POM121: variants seen among roughly 807,000 people sequenced by gnomAD.
The protein encoded by POM121 is POM121 transmembrane nucleoporin.
POM121 carries 32 observed loss-of-function variants against 81.3 expected under a neutral mutation model. That is an observed-to-expected ratio of 0.39 (90% confidence interval 0.30 to 0.53). The LOEUF (loss-of-function observed/expected upper bound fraction) is 0.53, where lower values mean the gene tolerates loss of function less well. POM121 is among the 20% of genes least tolerant of loss of function. POM121 has a pLI of 0.66. For missense variants in POM121, 1,138 were observed against 1,614.6 expected (o/e 0.70, Z 5.06); for synonymous variants, 514 against 694.2 (o/e 0.74, Z 4.08).
At position 72,947,477 on chromosome 7, in the gene POM121, TC is replaced by T; in HGVS notation, c.*1245del. On this transcript the variant is annotated 3_prime_UTR_variant, in exon 13 of 13. Coordinates refer to ENST00000434423, the MANE Select transcript of POM121 (RefSeq NM_001387691.1). The stretch of plus-strand genomic sequence containing the variant: ...GGCCCTCTGCAGCCCATCCTTTCCT[TC>T]CGTCCTTCTGAAACCACATACCCCA... The T allele has an allele frequency of 1.0e-6, 1 of 971,332 alleles. No individual in the cohort carries two copies. The highest frequency in any genetic ancestry group is 1.8e-5 in the African/African-American group (1 of 56,800). 60.2% of individuals were successfully genotyped at this position (971,332 alleles called of 1,614,324 possible).
chr7:72,945,115 C>A (rs1398587701), intron 11 of POM121, among the ~76,000 whole-genome samples: 1,620 of 150,814 alleles, frequency 0.011, 18 homozygotes, highest in African/African-American at 0.037. Context: ...CAGAGAGGGC[C>A]TCGGGCAGGC....
At chr7:72,911,756 C>T (rs1793827742) in intron 3 of POM121, among the ~76,000 whole-genome samples, 1 of 152,204 alleles carries the variant, frequency 6.6e-6, no homozygotes, top group Non-Finnish European at 1.5e-5. Flanking sequence ...GAGCCTGTGG[C>T]ACAGAAGCAG....
intron 1 of POM121, among the ~76,000 whole-genome samples, chr7:72,886,715 G>T (rs1233436411): frequency 6.6e-6 from 1 of 151,856 alleles, no homozygotes; most frequent in Non-Finnish European, 1.5e-5. Flanking sequence ...CTTTAAATAT[G>T]TTTCTCTGTT....
At chr7:72,888,587 C>T (rs1373994938) in intron 1 of POM121, among the ~76,000 whole-genome samples, 2 of 151,760 alleles carry the variant, frequency 1.3e-5, no homozygotes, top group Admixed American at 1.3e-4. Flanking sequence ...TTTATTAATA[C>T]CTTGTTCTTG....
Position 72,926,399 on chromosome 7 carries a change from C to T in POM121, c.782C>T (p.Pro261Leu). Reference protein sequence around the residue: ...NGYHKKAVLSPRNSRMVCSPV... With the variant: ...NGYHKKAVLSLRNSRMVCSPV... The stretch of plus-strand genomic sequence containing the variant: ...TATCACAAGAAGGCTGTGCTGTCCC[C>T]TCGCAACTCCAGGATGGTGTGTAGC... The change falls in exon 2 of 13, where the codon CCT (proline) becomes CTT (leucine). Residue 261 changes from proline to leucine, a missense_variant. By Grantham distance (98) the Pro-to-Leu change is moderately conservative. This residue lies in a region of POM121 where 646 missense variants were observed against 633.5 expected (regional missense o/e 1.02). Coordinates refer to ENST00000434423, the MANE Select transcript of POM121 (RefSeq NM_001387691.1). 1.2e-6 allele frequency: 2 copies of T among 1,613,996 alleles called. No individual in the cohort carries two copies. The highest frequency in any genetic ancestry group is 1.7e-6 in the Non-Finnish European group (2 of 1,179,874).
intron 1 of POM121, chr7:72,879,941 T>A (rs188104211): frequency 4.1e-4 from 197 of 479,764 alleles, no homozygotes; most frequent in Non-Finnish European, 7.1e-4. Flanking sequence ...AGTCACCGTG[T>A]GTTGGGGACC....
At chr7:72,889,015 G>T (rs1309546299) in intron 1 of POM121, among the ~76,000 whole-genome samples, 6 of 151,950 alleles carry the variant, frequency 3.9e-5, no homozygotes, top group Non-Finnish European at 8.8e-5. Context: ...TTTGTCTGTT[G>T]TATATTATGT....
intron 3 of POM121, among the ~76,000 whole-genome samples, chr7:72,910,727 A>G (rs1466424917): frequency 6.6e-6 from 1 of 151,864 alleles, no homozygotes; most frequent in African/African-American, 2.4e-5. Flanking sequence ...GTGTAGTCAA[A>G]AGGGCACTGT....
At chr7:72,902,245 CT>C (rs1370184132) in intron 3 of POM121, among the ~76,000 whole-genome samples, 6 of 144,048 alleles carry the variant, frequency 4.2e-5, no homozygotes, top group Admixed American at 2.1e-4. Flanking sequence ...TTATACTTTT[CT>C]TTTTCTTTCT....
chr7:72,901,911 A>T (rs1554492709), intron 3 of POM121, among the ~76,000 whole-genome samples: 1 of 151,876 alleles, frequency 6.6e-6, no homozygotes, highest in Non-Finnish European at 1.5e-5. Flanking sequence ...TCAGGAGTTC[A>T]AGACCAGCCT....
In POM121 at chr7:72,943,477, G is replaced by T. The variant is rs782055325; in HGVS notation, c.3484G>T (p.Ala1162Ser). Reference sequence around the variant, plus strand: ...CACCACCGGCCAGAGCACACCGTTTGCCTTCAACGTGAGCAGCACAACTGA... The same window carrying T: ...CACCACCGGCCAGAGCACACCGTTTTCCTTCAACGTGAGCAGCACAACTGA... ...LGTTGQSTPF[A>S]FNVSSTTESK... Residue 1162 changes from alanine (A) to serine (S), a missense_variant, in exon 11 of 13, where the codon GCC (alanine) becomes TCC (serine). Coordinates refer to ENST00000434423, the MANE Select transcript of POM121 (RefSeq NM_001387691.1). 1.9e-6 allele frequency: 3 copies of T among 1,612,750 alleles called. No individual in the cohort carries two copies. The highest frequency in any genetic ancestry group is 1.7e-6 in the Non-Finnish European group (2 of 1,179,854).
chr7:72,891,110 G>A, exon 3 of POM121: 1 of 1,082,810 alleles, frequency 9.2e-7, no homozygotes, highest in Non-Finnish European at 1.4e-6. Context: ...ACATAGTCCA[G>A]GTAAGTTAGT....
At chr7:72,945,158 G>T (rs1225500275) in intron 11 of POM121, among the ~76,000 whole-genome samples, 1 of 152,214 alleles carries the variant, frequency 6.6e-6, no homozygotes, top group Admixed American at 6.5e-5. Context: ...GCCGGGGAAG[G>T]GAGGGGACCA....
chr7:72,926,312 A>G lies in POM121; in HGVS notation c.695A>G (p.Tyr232Cys), dbSNP rs782281113. 2 of 1,601,336 alleles carry G rather than the reference A, an allele frequency of 1.2e-6. No homozygotes were observed. The highest frequency in any genetic ancestry group is 2.2e-5 in the South Asian group (2 of 89,634). ...TTTGTAATAACACCTAGAAGACGCT[A>G]TCCGATCCATCAGGCCCAGTATTCC... ...NRFVITPRRR[Y>C]PIHQAQYSCL... Residue 232 changes from tyrosine (Y) to cysteine (C), a missense_variant, in exon 2 of 13, where the codon TAT becomes TGT. By Grantham distance (194) the Tyr-to-Cys change is radical. Transcript: ENST00000434423.
intron 4 of POM121, 79 bp downstream of exon 4, chr7:72,928,544 C>T (rs2059842568): frequency 1.3e-6 from 2 of 1,526,334 alleles, no homozygotes; most frequent in Non-Finnish European, 1.8e-6. Context: ...ATAGATTTTC[C>T]TCTTTGTTTT....
chr7:72,879,504 G>C (rs1236558433), exon 1 of POM121: 1 of 251,900 alleles, frequency 4.0e-6, no homozygotes, highest in Non-Finnish European at 7.8e-6. Flanking sequence ...GTGCGGCCCA[G>C]GGTTCGCGCG....
chr7:72,927,500 A>G (rs1285050585), intron 3 of POM121, among the ~76,000 whole-genome samples: 6 of 152,330 alleles, frequency 3.9e-5, no homozygotes, highest in African/African-American at 1.4e-4. Flanking sequence ...ACCTGAGGTC[A>G]GGAGTTCGAG....
At chr7:72,899,968 C>T (rs1298870614) in intron 3 of POM121, among the ~76,000 whole-genome samples, 1 of 152,178 alleles carries the variant, frequency 6.6e-6, no homozygotes, top group African/African-American at 2.4e-5. Context: ...ATGTGGGACA[C>T]AGCATTTTCT....
At chr7:72,949,447 A>G, downstream of POM121, 1 of 1,581,962 alleles carries the variant, frequency 6.3e-7, no homozygotes, top group Non-Finnish European at 8.7e-7. Flanking sequence ...CAGCGTGGCC[A>G]TGGATGCCAG....
Sources: allele counts gnomAD v4.1 joint callset (sites outside exome capture counted in the v4.1 genomes callset), GRCh38; gene constraint gnomAD v4.1.1; regional missense constraint gnomAD v4.1.1; transcripts MANE v1.5; gene names NCBI Gene and HGNC (gene_info 2026-07-23, HGNC 2026-07-21).